Variants in UPP2 observed in about 807,000 individuals in gnomAD.
UPP2 encodes uridine phosphorylase 2.
A neutral mutation model predicts 26.7 loss-of-function variants in UPP2; 23 were observed. That is an observed-to-expected ratio of 0.86 (90% confidence interval 0.62 to 1.22). The LOEUF (loss-of-function observed/expected upper bound fraction) is 1.22, where lower values mean the gene tolerates loss of function less well. UPP2 is among the 50% of genes most tolerant of loss of function. The probability of loss-of-function intolerance (pLI) is 0.00; values close to 1 mark genes in which losing one functional copy is unlikely to be tolerated. For synonymous variants in UPP2, 127 were observed against 141.3 expected, an observed-to-expected ratio of 0.90 and a Z score of 0.72; for missense variants, 387 against 396.7, an observed-to-expected ratio of 0.98 and a Z score of 0.21.
intron 3 of UPP2, among the ~76,000 whole-genome samples, chr2:158,095,284 C>A (rs183466723): frequency 1.3e-5 from 2 of 152,082 alleles, no homozygotes; most frequent in Non-Finnish European, 1.5e-5. Flanking sequence ...TTTGATGGGG[C>A]CATCTTGTTC....
intron 2 of UPP2, among the ~76,000 whole-genome samples, chr2:158,010,763 C>CTTTTTTTTT (rs34328148): frequency 2.4e-5 from 2 of 82,910 alleles, no homozygotes; most frequent in African/African-American, 3.4e-5. Flanking sequence ...CCCTCTTTTT[C>CTTTTTTTTT]TTTTTTTTTT....
intron 6 of UPP2, among the ~76,000 whole-genome samples, chr2:158,130,601 C>T (rs1353309764): frequency 2.0e-5 from 3 of 152,108 alleles, no homozygotes; most frequent in Non-Finnish European, 4.4e-5. Context: ...TCGTTGATAG[C>T]ACCTTTATAA....
chr2:158,072,562 C>G (rs1221317360), intron 3 of UPP2, among the ~76,000 whole-genome samples: 2 of 151,722 alleles, frequency 1.3e-5, no homozygotes, highest in African/African-American at 4.8e-5. Flanking sequence ...CAACCCAGCA[C>G]CGTCCCAGTG....
rs1241239626 is a variant in UPP2, at chr2:158,121,617, A to C, written c.663A>C (p.Glu221Asp). 1.2e-6 allele frequency: 2 copies of C among 1,611,030 alleles called. No individual in the cohort carries two copies. The highest frequency in any genetic ancestry group is 2.7e-5 in the African/African-American group (2 of 74,894). ...CAATGTGTACCTATGATTTTTATGA[A>C]GGTGAGAACAATTTATAAACTGTGA... ...GHTMCTYDFY[E>D]GQGRLDGALC... is the part of the protein sequence containing the mutation. Residue 221 changes from glutamate to aspartate, a missense_variant and splice_region_variant, in exon 5 of 7, where the codon GAA becomes GAC. By Grantham distance (45) the Glu-to-Asp change is conservative (BLOSUM62 2). Transcript: ENST00000005756.
intron 2 of UPP2, chr2:158,015,701 G>C (rs546700220): frequency 2.3e-6 from 1 of 429,940 alleles, no homozygotes. Context: ...CCCCCTTGCT[G>C]TTCTTGTGAT....
chr2:158,124,195 A>G (rs1006815287), intron 6 of UPP2, among the ~76,000 whole-genome samples: 25 of 152,178 alleles, frequency 1.6e-4, no homozygotes, highest in African/African-American at 5.8e-4. Context: ...ATTACAATTG[A>G]ATTTATTGAG....
chr2:158,104,531 G>C (rs1321290408), intron 1 of UPP2, among the ~76,000 whole-genome samples: 1 of 151,996 alleles, frequency 6.6e-6, no homozygotes. Flanking sequence ...TGTTTTTAAA[G>C]CTCCCTGGTA....
chr2:158,028,467 A>G (rs1036559277), intron 3 of UPP2, among the ~76,000 whole-genome samples: 23 of 152,202 alleles, frequency 1.5e-4, no homozygotes, highest in Non-Finnish European at 3.2e-4. Context: ...CTTATTGTCC[A>G]TATCACTAAT....
intron 3 of UPP2, among the ~76,000 whole-genome samples, chr2:158,034,374 C>G (rs1339645716): frequency 6.6e-6 from 1 of 152,172 alleles, no homozygotes. Context: ...CTCCTTCGAC[C>G]TCACACATAG....
At chr2:158,133,722 A>G (rs1261746492) in intron 6 of UPP2, 1 of 152,228 alleles carries the variant, frequency 6.6e-6, no homozygotes. Context: ...TCTTACAAAG[A>G]AGTCTGGAGT....
intron 2 of UPP2, among the ~76,000 whole-genome samples, chr2:158,010,320 T>C (rs1426699290): frequency 6.6e-6 from 1 of 152,228 alleles, no homozygotes; most frequent in East Asian, 1.9e-4. Flanking sequence ...AAGTAGTGCT[T>C]TGATTTTATG....
At chr2:158,084,511 ATTTATC>A (rs1364517461) in intron 3 of UPP2, among the ~76,000 whole-genome samples, 7 of 151,940 alleles carry the variant, frequency 4.6e-5, no homozygotes, top group African/African-American at 1.4e-4. Context: ...AGTCCCATCT[ATTTATC>A]TTTGTTTATG....
intron 3 of UPP2, among the ~76,000 whole-genome samples, chr2:158,057,473 G>T (rs536056155): frequency 6.6e-6 from 1 of 152,062 alleles, no homozygotes; most frequent in East Asian, 1.9e-4. Flanking sequence ...ACTCTATTTT[G>T]TTGCTCAGAT....
chr2:158,027,523 T>C (rs564502417), intron 3 of UPP2, among the ~76,000 whole-genome samples: 195 of 152,318 alleles, frequency 1.3e-3, no homozygotes, highest in African/African-American at 4.6e-3. Context: ...GCCTCCCTCC[T>C]GACTGCTTTC....
chr2:158,032,065 C>T (rs1047203800), intron 3 of UPP2, among the ~76,000 whole-genome samples: 5 of 152,144 alleles, frequency 3.3e-5, no homozygotes, highest in African/African-American at 1.2e-4. Context: ...CGGAATGGTA[C>T]AGGGTCTGTA....
At chr2:158,034,380 CAT>C (rs2105158933) in intron 3 of UPP2, among the ~76,000 whole-genome samples, 1 of 152,312 alleles carries the variant, frequency 6.6e-6, no homozygotes, top group Admixed American at 6.5e-5. Flanking sequence ...CGACCTCACA[CAT>C]AGGGCAAAGG....
chr2:158,123,717 C>T, intron 5 of UPP2, 32 bp from the exon 6 acceptor site: 1 of 1,603,790 alleles, frequency 6.2e-7, no homozygotes, highest in African/African-American at 1.3e-5. Context: ...GGTGGGACAT[C>T]AAGTCACTAA....
intron 4 of UPP2, 44 bp downstream of exon 4, chr2:158,117,982 C>T (rs1487494037): frequency 1.3e-6 from 2 of 1,508,850 alleles, no homozygotes; most frequent in African/African-American, 2.7e-5. Context: ...GTGATCCTTA[C>T]ATACATGGTA....
intron 1 of UPP2, among the ~76,000 whole-genome samples, chr2:158,105,284 C>T (rs1325751534): frequency 2.0e-5 from 3 of 152,050 alleles, no homozygotes; most frequent in Admixed American, 2.0e-4. Context: ...TCTTGAATTT[C>T]GTGGTATTTC....
Sources: gnomAD v4.1 joint callset for allele counts (sites outside exome capture counted in the v4.1 genomes callset) on GRCh38, gnomAD v4.1.1 for gene constraint, MANE v1.5 for transcripts, NCBI Gene and HGNC (gene_info 2026-07-23, HGNC 2026-07-21) for gene names.